The following VAV1 variants were observed in gnomAD, a reference collection of about 807,000 sequenced individuals.
VAV1 encodes vav guanine nucleotide exchange factor 1.
A neutral mutation model predicts 128.1 loss-of-function variants in VAV1; 33 were observed. That is an observed-to-expected ratio of 0.26 (90% CI 0.20 to 0.34). VAV1 has a LOEUF of 0.34. VAV1 is among the 10% of genes least tolerant of loss of function. The pLI, the probability that VAV1 is intolerant of heterozygous loss-of-function variation, is 1.00. For missense variants in VAV1, 715 were observed against 1,093.7 expected (o/e 0.65, Z 4.88); for synonymous variants, 394 against 409.8 (o/e 0.96, Z 0.47).
chr19:6,812,275 G>A (rs891953632), intron 1 of VAV1, among the ~76,000 whole-genome samples: 2 of 152,200 alleles, frequency 1.3e-5, no homozygotes, highest in Non-Finnish European at 2.9e-5. Context: ...GTGCTCTTGA[G>A]TAAACCCTTC....
intron 1 of VAV1, among the ~76,000 whole-genome samples, chr19:6,782,360 A>T (rs1282667481): frequency 4.6e-5 from 7 of 152,000 alleles, no homozygotes; most frequent in Non-Finnish European, 8.8e-5. Flanking sequence ...AAATAAAAAT[A>T]AAAATAAAAT....
intron 1 of VAV1, among the ~76,000 whole-genome samples, chr19:6,810,614 A>T (rs1771251844): frequency 6.6e-6 from 1 of 152,124 alleles, no homozygotes; most frequent in South Asian, 2.1e-4. Flanking sequence ...CTGAGGCTGG[A>T]GAATTGCTTG....
chr19:6,776,821 G>A (rs1009859370), intron 1 of VAV1, among the ~76,000 whole-genome samples: 1 of 152,146 alleles, frequency 6.6e-6, no homozygotes, highest in East Asian at 1.9e-4. Flanking sequence ...GCAGGGGCAT[G>A]ATCTCGGCTC....
Position 6,821,839 on chromosome 19 carries a change from T to C in VAV1, c.429T>C (p.Ser143=). The change falls in exon 4 of 27, where the codon AGT becomes AGC. Residue 143 remains serine, a synonymous_variant. Transcript: ENST00000602142. ...EESVGDEDIY[S]GLSDQIDDTV... ...GTGTAGGTGATGAAGACATCTACAGTGGCCTGTCCGACCAGATCGAGTGAG... is the reference window on the plus strand; with the variant it reads ...GTGTAGGTGATGAAGACATCTACAGCGGCCTGTCCGACCAGATCGAGTGAG... 6.2e-7 allele frequency: 1 copy of C among 1,614,136 alleles called. No homozygotes were observed.
chr19:6,812,072 C>A (rs75818590), intron 1 of VAV1, among the ~76,000 whole-genome samples: 3 of 152,116 alleles, frequency 2.0e-5, no homozygotes, highest in Non-Finnish European at 4.4e-5. Flanking sequence ...TGGCCAGAAG[C>A]AGTCACATGA....
rs1971930039 is a variant in VAV1, at chr19:6,826,816, C to A, written c.927+105C>A. ...AGATGGTCCACTTTCTGCTGCAGCC[C>A]AGCCAGAGATCCACCAAAGGACTAG... On this transcript the variant is annotated intron_variant, in intron 9 of 26. Coordinates refer to ENST00000602142, the MANE Select transcript of VAV1 (RefSeq NM_005428.4). The surrounding 1 kb of genome is among the most constrained non-coding windows in gnomAD (Gnocchi z 4.1). 1.8e-5 allele frequency: 16 copies of A among 896,588 alleles called. No homozygotes were observed. In the South Asian group the frequency reaches 2.1e-4, roughly 12 times the overall value. The allele number at this position is 896,588 out of a possible 1,614,324, so 55.5% of individuals were successfully genotyped here. A position where few individuals can be genotyped will look rare whatever the true frequency, so the allele number is the denominator to read the frequency against.
intron 1 of VAV1, among the ~76,000 whole-genome samples, chr19:6,814,622 C>CT (rs1971580928): frequency 8.1e-5 from 12 of 149,034 alleles, no homozygotes; most frequent in African/African-American, 2.8e-4. Context: ...TTCTTTCTTT[C>CT]TTTCTTTTCT....
At position 6,772,756 on chromosome 19, in the gene VAV1, T is replaced by C; in HGVS notation, c.-52T>C. The C allele has an allele frequency of 6.4e-7, 1 of 1,558,924 alleles. No homozygotes were observed. The highest frequency in any genetic ancestry group is 8.7e-7 in the Non-Finnish European group (1 of 1,150,876). On this transcript the variant is annotated 5_prime_UTR_variant, in exon 1 of 27. Transcript: ENST00000602142. This position sits in a 1 kb window ranked among gnomAD's most constrained non-coding sequence, Gnocchi z 4.8. ...CGAGCAGGGCAGGCGTGCGGGCGGG[T>C]GGGTGGTGGAGGCTGCGAGGGTGCA...
At chr19:6,817,783 C>T (rs1477231959) in intron 1 of VAV1, among the ~76,000 whole-genome samples, 2 of 151,902 alleles carry the variant, frequency 1.3e-5, no homozygotes, top group African/African-American at 4.8e-5. Flanking sequence ...ACCTCCTGGG[C>T]TCCAACAATC....
At chr19:6,856,020 C>T (rs557850422) in intron 26 of VAV1, among the ~76,000 whole-genome samples, 1 of 152,308 alleles carries the variant, frequency 6.6e-6, no homozygotes, top group Admixed American at 6.5e-5. Flanking sequence ...GCTGGCCAGG[C>T]GTGGTGGCTT....
chr19:6,811,855 A>G (rs1971519116), intron 1 of VAV1, among the ~76,000 whole-genome samples: 1 of 152,114 alleles, frequency 6.6e-6, no homozygotes, highest in South Asian at 2.1e-4. Context: ...TGTACACAAA[A>G]CAGTACAATG....
rs759220633 is a variant in VAV1, at chr19:6,832,084, C to T, written c.1399-7C>T. The T allele has an allele frequency of 1.2e-6, 2 of 1,613,762 alleles. No individual in the cohort carries two copies. Among genetic ancestry groups the T allele is most frequent in the Admixed American group, 1.7e-5 (1 of 59,986 alleles). On this transcript the variant is annotated splice_region_variant and splice_polypyrimidine_tract_variant and intron_variant, in intron 14 of 26. Coordinates refer to ENST00000602142, the MANE Select transcript of VAV1 (RefSeq NM_005428.4). ...GTGCCTTCAGTCTGAGCTCTGCTTC[C>T]CTGCAGTGGAGCCACATGTTCCTCC...
chr19:6,828,204 G>T lies in VAV1; in HGVS notation c.1023+33G>T, dbSNP rs762482707. On this transcript the variant is annotated intron_variant, in intron 10 of 26. Coordinates refer to ENST00000602142, the MANE Select transcript of VAV1 (RefSeq NM_005428.4). The surrounding 1 kb of genome is among the most constrained non-coding windows in gnomAD (Gnocchi z 4.5). ...GCACATCTCTAGGCGTGGGCTCCAC[G>T]TACCTACTCTCCTGTGTCTATAAAA... 1 of 1,610,228 alleles carries T rather than the reference G, an allele frequency of 6.2e-7. No individual in the cohort carries two copies. Among genetic ancestry groups the T allele is most frequent in the South Asian group, 1.1e-5 (1 of 90,912 alleles).
At chr19:6,827,760 G>C (rs1971953868) in intron 9 of VAV1, among the ~76,000 whole-genome samples, 1 of 49,732 alleles carries the variant, frequency 2.0e-5, no homozygotes, top group Non-Finnish European at 3.6e-5. Context: ...CACCACGCCA[G>C]CTATTTTTTT....
intron 1 of VAV1, among the ~76,000 whole-genome samples, chr19:6,806,513 G>C (rs1443451094): frequency 2.6e-5 from 4 of 152,360 alleles, no homozygotes; most frequent in Middle Eastern, 3.4e-3. Flanking sequence ...GCATGTCTCT[G>C]TGATGGATTC....
At chr19:6,843,082 G>A in intron 21 of VAV1, 53 bp from the exon 22 acceptor site, 3 of 1,582,428 alleles carry the variant, frequency 1.9e-6, no homozygotes, top group Non-Finnish European at 2.6e-6. Flanking sequence ...CCTGCCCTCT[G>A]CTGTCAAGCT....
intron 21 of VAV1, among the ~76,000 whole-genome samples, chr19:6,838,081 A>ATTTG (rs1972264046): frequency 7.5e-6 from 1 of 133,306 alleles, no homozygotes; most frequent in African/African-American, 2.7e-5. Context: ...TTCTGCCCTC[A>ATTTG]TCTGTCTGTC....
chr19:6,852,474 C>T (rs530119218), intron 24 of VAV1, among the ~76,000 whole-genome samples: 1 of 152,312 alleles, frequency 6.6e-6, no homozygotes, highest in South Asian at 2.1e-4. Context: ...GTAATCCCAG[C>T]ACTTTGGGAG....
chr19:6,853,871 C>T, intron 25 of VAV1, 76 bp from the exon 26 acceptor site: 15 of 1,560,780 alleles, frequency 9.6e-6, no homozygotes, highest in Admixed American at 1.7e-5. Context: ...AGTTACTGTC[C>T]TGAGAGCTTG....
Sources: allele counts gnomAD v4.1 joint callset (sites outside exome capture counted in the v4.1 genomes callset), GRCh38; gene constraint gnomAD v4.1.1; non-coding constraint Gnocchi (gnomAD v3.1); transcripts MANE v1.5; gene names NCBI Gene and HGNC (gene_info 2026-07-23, HGNC 2026-07-21).